The following TRAPPC9 variants were observed in gnomAD, a reference collection of about 807,000 sequenced individuals.
TRAPPC9 encodes IKK2 binding protein.
TRAPPC9 carries 83 observed loss-of-function variants against 124.0 expected under a neutral mutation model. That is an observed-to-expected ratio of 0.67 (90% CI 0.56 to 0.80). TRAPPC9 has a LOEUF of 0.80. TRAPPC9 is among the 30% of genes least tolerant of loss of function. The probability of loss-of-function intolerance (pLI) is 0.00; values close to 1 mark genes in which losing one functional copy is unlikely to be tolerated. For synonymous variants in TRAPPC9, 638 were observed against 617.5 expected (o/e 1.03, Z -0.49); for missense variants, 1,302 against 1,508.3 (o/e 0.86, Z 2.27).
At chr8:140,440,455 C>T (rs542693221) in intron 2 of TRAPPC9, among the ~76,000 whole-genome samples, 12 of 151,664 alleles carry the variant, frequency 7.9e-5, no homozygotes, top group African/African-American at 1.9e-4. Flanking sequence ...TGCAGTGAGC[C>T]GAGATCATGC....
chr8:140,175,419 G>GC (rs2062045936), intron 17 of TRAPPC9, among the ~76,000 whole-genome samples: 1 of 151,938 alleles, frequency 6.6e-6, no homozygotes, highest in African/African-American at 2.4e-5. Context: ...TAAGCAAGCA[G>GC]CACCTGAGAT....
chr8:139,823,942 C>T (rs1276178694), intron 21 of TRAPPC9, among the ~76,000 whole-genome samples: 2 of 152,192 alleles, frequency 1.3e-5, no homozygotes, highest in African/African-American at 4.8e-5. Context: ...TTGAAAGGTG[C>T]TGGACTGACT....
intron 8 of TRAPPC9, among the ~76,000 whole-genome samples, chr8:140,363,721 C>T (rs1349035195): frequency 6.6e-6 from 1 of 152,064 alleles, no homozygotes; most frequent in East Asian, 1.9e-4. Context: ...CCTCAGCCTC[C>T]CGAGTAGCTG....
intron 17 of TRAPPC9, among the ~76,000 whole-genome samples, chr8:140,106,187 T>C (rs2060660570): frequency 6.6e-6 from 1 of 152,106 alleles, no homozygotes; most frequent in Admixed American, 6.5e-5. Flanking sequence ...TGCTTCCTCA[T>C]TCAGCACCTG....
chr8:139,892,819 T>C (rs1362358355), intron 20 of TRAPPC9, among the ~76,000 whole-genome samples: 7 of 151,908 alleles, frequency 4.6e-5, no homozygotes, highest in African/African-American at 1.2e-4. Context: ...GGTGTGGGCA[T>C]CCCTCCACTG....
At chr8:139,963,749 CAAAAAA>C (rs58224556) in intron 19 of TRAPPC9, among the ~76,000 whole-genome samples, 16,378 of 105,130 alleles carry the variant, frequency 0.16, 375 homozygotes, top group Middle Eastern at 0.21. Flanking sequence ...CCAGTTCTAC[CAAAAAA>C]AAAAAAAAAA....
At chr8:139,800,479 G>C (rs917445049) in intron 21 of TRAPPC9, among the ~76,000 whole-genome samples, 14 of 152,226 alleles carry the variant, frequency 9.2e-5, no homozygotes. Flanking sequence ...GGAAAGACCA[G>C]CTGCTTTCTG....
chr8:140,029,672 C>T (rs1018769086), intron 17 of TRAPPC9, among the ~76,000 whole-genome samples: 5 of 150,006 alleles, frequency 3.3e-5, no homozygotes, highest in Admixed American at 3.3e-4. Context: ...AAAAGAAACC[C>T]CAAGCTTAGA....
intron 5 of TRAPPC9, among the ~76,000 whole-genome samples, chr8:140,411,498 C>T (rs771326455): frequency 7.9e-5 from 12 of 152,144 alleles, no homozygotes; most frequent in South Asian, 2.1e-4. Context: ...CCCACCACCA[C>T]GCTCAGCTAA....
At chr8:140,136,801 G>A (rs139537881) in intron 17 of TRAPPC9, among the ~76,000 whole-genome samples, 2 of 152,282 alleles carry the variant, frequency 1.3e-5, no homozygotes, top group East Asian at 1.9e-4. Flanking sequence ...GACAGTGGGA[G>A]ATCCAGGCTG....
At chr8:140,458,047 GA>G (rs1445608477), upstream of TRAPPC9, among the ~76,000 whole-genome samples, 1 of 131,334 alleles carries the variant, frequency 7.6e-6, no homozygotes, top group Non-Finnish European at 1.6e-5. Flanking sequence ...AAGAAGGAGG[GA>G]GGGGCAGCGA....
intron 17 of TRAPPC9, among the ~76,000 whole-genome samples, chr8:140,213,767 T>C (rs1027283926): frequency 6.6e-6 from 1 of 152,244 alleles, no homozygotes; most frequent in Admixed American, 6.5e-5. Context: ...AAGGGAGGCC[T>C]GGCCCCGCCT....
At chr8:140,420,987 A>T (rs2070182043) in intron 5 of TRAPPC9, among the ~76,000 whole-genome samples, 1 of 152,214 alleles carries the variant, frequency 6.6e-6, no homozygotes, top group Non-Finnish European at 1.5e-5. Context: ...CTAAATTCCT[A>T]GCGTTTTGGG....
chr8:139,927,841 G>A (rs1318162674), intron 19 of TRAPPC9, among the ~76,000 whole-genome samples: 1 of 152,208 alleles, frequency 6.6e-6, no homozygotes, highest in African/African-American at 2.4e-5. Flanking sequence ...TGCTGAGTGA[G>A]TGATGTCAGA....
chr8:139,852,232 T>C (rs1224436379), intron 21 of TRAPPC9, among the ~76,000 whole-genome samples: 1 of 152,008 alleles, frequency 6.6e-6, no homozygotes. Context: ...GAACTGTGAG[T>C]CCAATTAAAC....
intron 21 of TRAPPC9, among the ~76,000 whole-genome samples, chr8:139,876,251 G>A (rs1829314323): frequency 6.6e-6 from 1 of 152,244 alleles, no homozygotes; most frequent in Non-Finnish European, 1.5e-5. Context: ...AGCACTGGCT[G>A]CTGGCACCGT....
intron 21 of TRAPPC9, among the ~76,000 whole-genome samples, chr8:139,752,994 A>T (rs1240740935): frequency 2.2e-5 from 3 of 134,654 alleles, no homozygotes; most frequent in Non-Finnish European, 4.8e-5. Flanking sequence ...CATCCATCCA[A>T]CTTCTACCCA....
chr8:139,784,289 A>T (rs1171434667), intron 21 of TRAPPC9, among the ~76,000 whole-genome samples: 1 of 152,190 alleles, frequency 6.6e-6, no homozygotes, highest in East Asian at 1.9e-4. Flanking sequence ...AGATCAACAT[A>T]TAGGCCCAGC....
intron 21 of TRAPPC9, among the ~76,000 whole-genome samples, chr8:139,821,892 G>A (rs1044229316): frequency 3.3e-5 from 5 of 152,300 alleles, no homozygotes; most frequent in South Asian, 2.1e-4. Context: ...GGAGCTCGAC[G>A]GAGAGAAAAT....
Sources: allele counts gnomAD v4.1 joint callset (sites outside exome capture counted in the v4.1 genomes callset), GRCh38; gene constraint gnomAD v4.1.1; transcripts MANE v1.5; gene names NCBI Gene and HGNC (gene_info 2026-07-23, HGNC 2026-07-21).